FAM20B: variants seen among roughly 807,000 people sequenced by gnomAD.
FAM20B encodes FAM20B glycosaminoglycan xylosylkinase.
In FAM20B, 23 loss-of-function variants were observed where a neutral mutation model predicts 43.8. The ratio of observed to expected loss-of-function variants is 0.53; its 90% CI spans 0.38 to 0.74. The LOEUF (loss-of-function observed/expected upper bound fraction) is 0.74. Among genes scored for constraint, FAM20B ranks in the 30% least tolerant of loss-of-function variants. FAM20B has a pLI of 0.00. For synonymous variants in FAM20B, 178 were observed against 192.4 expected (o/e 0.93, Z 0.62); for missense variants, 440 against 510.5 (o/e 0.86, Z 1.33).
intron 7 of FAM20B, among the ~76,000 whole-genome samples, chr1:179,070,593 T>A (rs562510999): frequency 7.1e-6 from 1 of 140,990 alleles, no homozygotes; most frequent in African/African-American, 2.7e-5. Context: ...GGCACAATCT[T>A]GGCTCACTGC....
In FAM20B at chr1:179,043,744, T is replaced by G. The variant is rs1019853887; in HGVS notation, c.-104T>G. 16 of 1,195,526 alleles carry G rather than the reference T, an allele frequency of 1.3e-5. No homozygotes were observed. The highest frequency in any genetic ancestry group is 1.9e-5 in the Non-Finnish European group (16 of 848,946). 74.1% of individuals were successfully genotyped at this position (1,195,526 alleles called of 1,614,324 possible). ...TGTGGAAGGTGCATCAGTGAAGAAA[T>G]GGACCAATGTGTATAATCATGGAAT... On this transcript the variant is annotated 5_prime_UTR_variant, in exon 2 of 8. An upstream start codon of the reference 5' UTR is lost. Coordinates refer to ENST00000263733, the MANE Select transcript of FAM20B (RefSeq NM_014864.4).
chr1:179,034,189 T>G (rs1436962058), intron 1 of FAM20B, among the ~76,000 whole-genome samples: 1 of 152,190 alleles, frequency 6.6e-6, no homozygotes, highest in Non-Finnish European at 1.5e-5. Context: ...TCTCTCCATA[T>G]AGATCACTTG....
chr1:179,027,265 T>A (rs894522994), intron 1 of FAM20B, among the ~76,000 whole-genome samples: 1 of 152,226 alleles, frequency 6.6e-6, no homozygotes, highest in Non-Finnish European at 1.5e-5. Flanking sequence ...TTGCAAAAAT[T>A]TCACTGGCGT....
In FAM20B at chr1:179,076,534, AAAG is replaced by A. The variant is rs766442649; in HGVS notation, c.*4393_*4395del. The A allele has an allele frequency of 4.6e-5, 7 of 152,718 alleles. No homozygotes were observed. The South Asian group carries it at 6.2e-4, about 14-fold the overall frequency. The allele number at this position is 152,718 out of a possible 1,614,324, so 9.5% of individuals were successfully genotyped here. ...TGTTCTATGGGTTTCAATTCTGAAAAAAGAAAATGAATAAAGATTTTAATAAAT... is the reference window on the plus strand; with the variant it reads ...TGTTCTATGGGTTTCAATTCTGAAAAAAAATGAATAAAGATTTTAATAAAT... On this transcript the variant is annotated 3_prime_UTR_variant, in exon 8 of 8. Coordinates refer to ENST00000263733, the MANE Select transcript of FAM20B (RefSeq NM_014864.4).
rs143013339 is a variant in FAM20B, at chr1:179,064,371, C to A, written c.813C>A (p.Arg271=). 6 of 1,614,100 alleles carry A rather than the reference C, an allele frequency of 3.7e-6. No homozygotes were observed. In the African/African-American group the frequency reaches 6.7e-5, roughly 18 times the overall value. ...KKTSPYDSGP[R]LLDIIDTAVF... ...CGTCCCCTTATGACTCTGGCCCGCG[C>A]CTCTTGGACATCATTGACACAGCTG... Residue 271 remains arginine, a synonymous_variant, in exon 6 of 8, where the codon CGC becomes CGA. Coordinates refer to ENST00000263733, the MANE Select transcript of FAM20B (RefSeq NM_014864.4).
At chr1:179,058,171 CATT>C (rs1651308085) in intron 4 of FAM20B, among the ~76,000 whole-genome samples, 1 of 152,050 alleles carries the variant, frequency 6.6e-6, no homozygotes, top group South Asian at 2.1e-4. Flanking sequence ...TTATTTAACA[CATT>C]AAATAAGATC....
chr1:179,040,981 C>A lies in FAM20B; in HGVS notation c.-133-2734C>A, dbSNP rs144278787. 6.1e-3 allele frequency among the ~76,000 whole-genome samples: 860 copies of A among 141,044 alleles called. 24 individuals carry two copies. Among genetic ancestry groups the A allele is most frequent in the African/African-American group, 0.022 (824 of 36,988 alleles). The allele number at this position is 141,044 out of a possible 152,430, so 92.5% of individuals were successfully genotyped here. On this transcript the variant is annotated intron_variant, in intron 1 of 7. Transcript: ENST00000263733. Reference sequence around the variant, plus strand: ...GCGCTCCTCACATCCCAGACGGGGCCGGCGGGCAGAGGCGCTCCCCACATC... The same window carrying A: ...GCGCTCCTCACATCCCAGACGGGGCAGGCGGGCAGAGGCGCTCCCCACATC...
In FAM20B at chr1:179,073,305, CTTCTTTTTTTCTTTT is replaced by C. The variant is rs1652004683; in HGVS notation, c.*1172_*1186del. On this transcript the variant is annotated 3_prime_UTR_variant, in exon 8 of 8. Transcript: ENST00000263733. Reference sequence around the variant, plus strand: ...ATTGGAAACAAAGATTTTAAGCCTTCTTCTTTTTTTCTTTTTTCTTTTTTTTTTGAGACCAAGTCT... The same window carrying C: ...ATTGGAAACAAAGATTTTAAGCCTTCTTCTTTTTTTTTTGAGACCAAGTCT... 1 of 145,644 alleles carries C rather than the reference CTTCTTTTTTTCTTTT, an allele frequency of 6.9e-6. No individual in the cohort carries two copies. The highest frequency in any genetic ancestry group is 2.1e-4 in the South Asian group (1 of 4,698). The allele number at this position is 145,644 out of a possible 1,614,324, so 9.0% of individuals were successfully genotyped here.
intron 1 of FAM20B, among the ~76,000 whole-genome samples, chr1:179,037,109 C>T (rs1650272782): frequency 6.6e-6 from 1 of 152,108 alleles, no homozygotes; most frequent in African/African-American, 2.4e-5. Flanking sequence ...AATGCCTTGC[C>T]AAGGAATCTA....
intron 4 of FAM20B, among the ~76,000 whole-genome samples, chr1:179,055,927 C>T (rs891497597): frequency 2.6e-5 from 4 of 152,170 alleles, no homozygotes; most frequent in African/African-American, 7.2e-5. Flanking sequence ...TCTTAATAAT[C>T]GTCTGACCTT....
chr1:179,055,099 A>T (rs924644139), intron 4 of FAM20B, among the ~76,000 whole-genome samples: 1 of 152,178 alleles, frequency 6.6e-6, no homozygotes, highest in Non-Finnish European at 1.5e-5. Context: ...GTAAGGTTGT[A>T]TTTGGACCTG....
intron 1 of FAM20B, among the ~76,000 whole-genome samples, chr1:179,037,200 C>T (rs1650275125): frequency 6.6e-6 from 1 of 152,136 alleles, no homozygotes; most frequent in Non-Finnish European, 1.5e-5. Context: ...GAGGCTCAGG[C>T]ATCAGTTCTT....
chr1:179,063,807 C>T lies in FAM20B; in HGVS notation c.575-120C>T, dbSNP rs1270429748. The T allele has an allele frequency of 3.0e-6, 2 of 661,156 alleles. 1 individual carries two copies. 41.0% of individuals were successfully genotyped at this position (661,156 alleles called of 1,614,324 possible). A position where few individuals can be genotyped will look rare whatever the true frequency, so the allele number is the denominator to read the frequency against. On this transcript the variant is annotated intron_variant, in intron 4 of 7. Transcript: ENST00000263733. ...AAATAAATGTTTGAAATATAGTAAA[C>T]TCAGGGTCTTTGTTTTCACCATGCT...
At chr1:179,069,759 G>T (rs1053735898) in intron 7 of FAM20B, among the ~76,000 whole-genome samples, 16 of 152,150 alleles carry the variant, frequency 1.1e-4, no homozygotes, top group African/African-American at 3.9e-4. Flanking sequence ...GATGCTCTGG[G>T]CATTTGTAAT....
intron 4 of FAM20B, 37 bp downstream of exon 4, chr1:179,054,675 GATTA>G: frequency 7.7e-7 from 1 of 1,295,362 alleles, no homozygotes; most frequent in Admixed American, 1.7e-5. Flanking sequence ...ATAGGGGAAT[GATTA>G]ATAAGTTAAA....
intron 4 of FAM20B, among the ~76,000 whole-genome samples, chr1:179,058,571 G>T (rs1304302712): frequency 6.6e-6 from 1 of 152,196 alleles, no homozygotes; most frequent in East Asian, 1.9e-4. Context: ...GGTCAGGACA[G>T]TGTCACTGAA....
At chr1:179,043,448 CCCAGCTCCTT>C (rs560078974) in intron 1 of FAM20B, among the ~76,000 whole-genome samples, 1,678 of 152,264 alleles carry the variant, frequency 0.011, 22 homozygotes, top group Non-Finnish European at 0.017. Context: ...CCCACCTGTT[CCCAGCTCCTT>C]CCAGCTCCGT....
At chr1:179,026,148 G>A (rs193196190) in intron 1 of FAM20B, 50 bp downstream of exon 1, 7,274 of 147,730 alleles carry the variant, frequency 0.049, 229 homozygotes, top group Middle Eastern at 0.085. Flanking sequence ...CCCCCGGCGC[G>A]GCGGGCGGGA....
intron 7 of FAM20B, among the ~76,000 whole-genome samples, chr1:179,069,487 C>T (rs1385025459): frequency 6.6e-6 from 1 of 152,216 alleles, no homozygotes; most frequent in Admixed American, 6.5e-5. Flanking sequence ...TCTCCTGCCT[C>T]AGCCTTCTGA....
Sources: gnomAD v4.1 joint callset for allele counts (sites outside exome capture counted in the v4.1 genomes callset) on GRCh38, gnomAD v4.1.1 for gene constraint, MANE v1.5 for transcripts, NCBI Gene and HGNC (gene_info 2026-07-23, HGNC 2026-07-21) for gene names.